Variants in CPPED1 observed in about 807,000 individuals in gnomAD.
CPPED1 encodes serine/threonine-protein phosphatase CPPED1.
In CPPED1, 28 loss-of-function variants were observed where a neutral mutation model predicts 28.0. The ratio of observed to expected loss-of-function variants is 1.00; its 90% CI spans 0.74 to 1.37. The LOEUF (loss-of-function observed/expected upper bound fraction) is 1.37. Among genes scored for constraint, CPPED1 ranks in the 40% most tolerant of loss-of-function variants. The pLI is 0.00. For missense variants in CPPED1, 504 were observed against 416.5 expected (o/e 1.21, Z -1.83); for synonymous variants, 198 against 180.2 (o/e 1.10, Z -0.79).
intron 1 of CPPED1, among the ~76,000 whole-genome samples, chr16:12,795,728 G>C (rs1374157146): frequency 6.6e-6 from 1 of 152,212 alleles, no homozygotes; most frequent in Admixed American, 6.5e-5. Flanking sequence ...GGGTTGGACA[G>C]ATACACCCAG....
At chr16:12,727,073 G>C (rs1187784502) in intron 2 of CPPED1, among the ~76,000 whole-genome samples, 1 of 152,142 alleles carries the variant, frequency 6.6e-6, no homozygotes. Context: ...TGATGATGAA[G>C]AGCAAATAAC....
At chr16:12,766,957 T>C (rs1291334281) in intron 2 of CPPED1, among the ~76,000 whole-genome samples, 1 of 151,722 alleles carries the variant, frequency 6.6e-6, no homozygotes, top group African/African-American at 2.4e-5. Flanking sequence ...CACAAGAGCA[T>C]TCAGATCCCA....
chr16:12,706,184 G>A (rs1404190718), intron 2 of CPPED1, among the ~76,000 whole-genome samples: 1 of 151,752 alleles, frequency 6.6e-6, no homozygotes, highest in Non-Finnish European at 1.5e-5. Flanking sequence ...ATAATATAAG[G>A]CACAGAGGAA....
chr16:12,729,692 C>A (rs1163097363), intron 2 of CPPED1, among the ~76,000 whole-genome samples: 5 of 152,132 alleles, frequency 3.3e-5, no homozygotes, highest in African/African-American at 9.7e-5. Context: ...ATCTTAAAGT[C>A]ATAATAAAGG....
intron 3 of CPPED1, among the ~76,000 whole-genome samples, chr16:12,696,170 TG>T (rs910421842): frequency 2.0e-5 from 3 of 152,152 alleles, no homozygotes; most frequent in Non-Finnish European, 4.4e-5. Context: ...TGAACAGAGT[TG>T]ATCATTATTT....
In CPPED1 at chr16:12,664,864, TGAACGG is replaced by T. The variant is rs369886431; in HGVS notation, c.*16_*21del. 7.5e-5 allele frequency: 121 copies of T among 1,609,170 alleles called. No individual in the cohort carries two copies. The African/African-American group carries it at 1.4e-3, about 19-fold the overall frequency. ...ATAAAAAAATAGTGCAAGTGAAAAG[TGAACGG>T]GAACGGGAAGGAGCGTCATTTTTTC... On this transcript the variant is annotated 3_prime_UTR_variant, in exon 4 of 4. Transcript: ENST00000381774. The surrounding 1 kb of genome is among the most constrained non-coding windows in gnomAD (Gnocchi z 4.2).
intron 2 of CPPED1, among the ~76,000 whole-genome samples, chr16:12,722,485 C>T (rs1241527407): frequency 6.6e-6 from 1 of 152,204 alleles, no homozygotes; most frequent in Non-Finnish European, 1.5e-5. Context: ...CGCCTGTAAT[C>T]CCAGCACTTT....
intron 3 of CPPED1, among the ~76,000 whole-genome samples, chr16:12,696,290 C>T (rs1377653226): frequency 2.6e-5 from 4 of 152,098 alleles, no homozygotes; most frequent in Non-Finnish European, 5.9e-5. Context: ...ACGCCAGCAC[C>T]CCAGGGGTGA....
chr16:12,737,113 C>A (rs956050649), intron 2 of CPPED1, among the ~76,000 whole-genome samples: 2 of 152,044 alleles, frequency 1.3e-5, no homozygotes, highest in African/African-American at 4.8e-5. Flanking sequence ...TCTCTTGAAC[C>A]CGGGAGGTGG....
Position 12,685,601 on chromosome 16 carries a change from A to G in CPPED1, c.715+19023T>C, listed in dbSNP as rs576187318. On this transcript the variant is annotated intron_variant, in intron 3 of 3. Coordinates refer to ENST00000381774, the MANE Select transcript of CPPED1 (RefSeq NM_018340.3). ...TGCTTCTTGGGACCGTGTTTGAAAC[A>G]TAGTGTGGACAAGGACATTTTTCTT... Among the ~76,000 whole-genome samples, 57 of 152,280 alleles carry G rather than the reference A, an allele frequency of 3.7e-4. 1 individual carries two copies. The South Asian group carries it at 0.012, about 31-fold the overall frequency.
intron 1 of CPPED1, among the ~76,000 whole-genome samples, 196 bp from the exon 2 acceptor site, chr16:12,781,599 G>A (rs2080532247): frequency 6.6e-6 from 1 of 152,124 alleles, no homozygotes; most frequent in South Asian, 2.1e-4. Flanking sequence ...CCTGGGACCT[G>A]GTGATACCCA....
intron 2 of CPPED1, among the ~76,000 whole-genome samples, chr16:12,722,815 G>A (rs1311653960): frequency 6.6e-6 from 1 of 152,148 alleles, no homozygotes; most frequent in East Asian, 1.9e-4. Flanking sequence ...CTAGCCACTG[G>A]CTTTCCCACG....
intron 3 of CPPED1, among the ~76,000 whole-genome samples, chr16:12,674,346 C>A (rs1431919449): frequency 1.3e-5 from 2 of 152,136 alleles, no homozygotes; most frequent in African/African-American, 4.8e-5. Flanking sequence ...CTCAAGGAGT[C>A]TGAAACGAGG....
intron 2 of CPPED1, among the ~76,000 whole-genome samples, chr16:12,755,992 G>A (rs989529247): frequency 2.6e-5 from 4 of 152,104 alleles, no homozygotes; most frequent in African/African-American, 4.8e-5. Flanking sequence ...TTAGCCGGGC[G>A]TGGTCGCGGG....
intron 3 of CPPED1, among the ~76,000 whole-genome samples, chr16:12,695,445 C>A (rs1410805470): frequency 6.7e-6 from 1 of 148,626 alleles, no homozygotes; most frequent in Non-Finnish European, 1.5e-5. Flanking sequence ...AAAAAAAAAT[C>A]CTTTTCGCAA....
chr16:12,690,331 C>G (rs9941036), intron 3 of CPPED1, among the ~76,000 whole-genome samples: 5 of 150,554 alleles, frequency 3.3e-5, no homozygotes, highest in Admixed American at 1.3e-4. Context: ...TTGGGCAACA[C>G]GGTGAAACCC....
rs919690837 is a variant in CPPED1 at position 12,682,141 on chromosome 16, C to A, written c.716-17026G>T. 1.3e-5 allele frequency among the ~76,000 whole-genome samples: 2 copies of A among 152,086 alleles called. No homozygotes were observed. The highest frequency in any genetic ancestry group is 2.9e-5 in the Non-Finnish European group (2 of 68,012). On this transcript the variant is annotated intron_variant, in intron 3 of 3. Coordinates refer to ENST00000381774, the MANE Select transcript of CPPED1 (RefSeq NM_018340.3). The surrounding 1 kb of genome is among the most constrained non-coding windows in gnomAD (Gnocchi z 6.1). Reference sequence around the variant, plus strand: ...TTGCGTATCCTGGGTTCAAGCAGTTCTCCCTGCCTCAGCCTCCCGAGTAGC... The same window carrying A: ...TTGCGTATCCTGGGTTCAAGCAGTTATCCCTGCCTCAGCCTCCCGAGTAGC...
At chr16:12,708,621 G>C (rs926347459) in intron 2 of CPPED1, among the ~76,000 whole-genome samples, 2 of 152,192 alleles carry the variant, frequency 1.3e-5, no homozygotes, top group Middle Eastern at 3.2e-3. Flanking sequence ...AAATAAAAGA[G>C]TAAATCCTAG....
rs1596455028 is a variant in CPPED1, at chr16:12,709,057, G to C, written c.290-4008C>G. The stretch of plus-strand genomic sequence containing the variant: ...ATCGCACTATTGCATTCCAGCCTGG[G>C]TGACAAGAGCAAAACTCTGTCTCAA... On this transcript the variant is annotated intron_variant, in intron 2 of 3. Coordinates refer to ENST00000381774, the MANE Select transcript of CPPED1 (RefSeq NM_018340.3). The surrounding 1 kb of genome is among the most constrained non-coding windows in gnomAD (Gnocchi z 4.4). Among the ~76,000 whole-genome samples the C allele has an allele frequency of 6.6e-6, 1 of 152,258 alleles. No homozygotes were observed. Among genetic ancestry groups the C allele is most frequent in the Non-Finnish European group, 1.5e-5 (1 of 68,026 alleles).
Sources: gnomAD v4.1 joint callset for allele counts (sites outside exome capture counted in the v4.1 genomes callset) on GRCh38, gnomAD v4.1.1 for gene constraint, Gnocchi (gnomAD v3.1) non-coding constraint, MANE v1.5 for transcripts, NCBI Gene and HGNC (gene_info 2026-07-23, HGNC 2026-07-21) for gene names.